Variants in KALRN observed in about 807,000 individuals in gnomAD.
KALRN encodes kalirin.
Under a neutral mutation model 353.7 loss-of-function variants are expected in KALRN, and 70 were observed. The observed-to-expected ratio is 0.20, with a 90% confidence interval of 0.16 to 0.24. The LOEUF (loss-of-function observed/expected upper bound fraction) is 0.24. Ranked by LOEUF, KALRN falls within the 10% of genes least tolerant of loss-of-function variation. The pLI is 1.00. For missense variants in KALRN, 2,791 were observed against 3,756.7 expected, an observed-to-expected ratio of 0.74 and a Z score of 6.72; for synonymous variants, 1,391 against 1,434.8, an observed-to-expected ratio of 0.97 and a Z score of 0.69.
At chr3:124,140,265 C>T (rs1457086495) in intron 1 of KALRN, among the ~76,000 whole-genome samples, 7 of 152,188 alleles carry the variant, frequency 4.6e-5, no homozygotes, top group Non-Finnish European at 7.3e-5. Flanking sequence ...CTTGTACTTA[C>T]GGCTGGTAAC....
chr3:124,713,223 T>C, intron 58 of KALRN, 88 bp downstream of exon 58: 1 of 1,149,948 alleles, frequency 8.7e-7, no homozygotes. Flanking sequence ...AGTTACATTT[T>C]ATACAAGGTC....
intron 1 of KALRN, among the ~76,000 whole-genome samples, chr3:124,039,970 T>C (rs2149072531): frequency 6.6e-6 from 1 of 152,304 alleles, no homozygotes; most frequent in Middle Eastern, 3.4e-3. Context: ...TTGTTAATAT[T>C]TCTAATGCTA....
Position 124,304,127 on chromosome 3 carries a change from AACACACACACACACACACACAC to A in KALRN, c.1092+5227_1092+5248del, listed in dbSNP as rs3055892. On this transcript the variant is annotated intron_variant, in intron 6 of 59. Coordinates refer to ENST00000682506, the MANE Select transcript of KALRN (RefSeq NM_001388419.1). ...GTCAGAATTTCTAGATTTTGTTGTA[AACACACACACACACACACACAC>A]ACACACACACACTATTGTAATGTTT... Among the ~76,000 whole-genome samples, 625 of 147,502 alleles carry A rather than the reference AACACACACACACACACACACAC, an allele frequency of 4.2e-3. 1 individual carries two copies. The highest frequency in any genetic ancestry group is 6.9e-3 in the Non-Finnish European group (461 of 67,052).
At chr3:124,396,642 A>G (rs569722298) in intron 12 of KALRN, among the ~76,000 whole-genome samples, 1 of 152,354 alleles carries the variant, frequency 6.6e-6, no homozygotes, top group South Asian at 2.1e-4. Flanking sequence ...CTATTCAAAA[A>G]CTTTTCACAG....
chr3:124,315,299 A>G (rs2078699447), intron 6 of KALRN, among the ~76,000 whole-genome samples: 1 of 152,108 alleles, frequency 6.6e-6, no homozygotes, highest in South Asian at 2.1e-4. Flanking sequence ...TCCTATTCAA[A>G]CAGGAAGCAC....
rs908346236 is a variant in KALRN at position 124,726,281 on chromosome 3, T to A, written c.*6811T>A. On this transcript the variant is annotated 3_prime_UTR_variant, in exon 60 of 60. Coordinates refer to ENST00000682506, the MANE Select transcript of KALRN (RefSeq NM_001388419.1). The stretch of plus-strand genomic sequence containing the variant: ...TGGATGAAACTTCAAAATGTACATC[T>A]CACATGTTATGCATTCCTATAAATA... 5.8e-4 allele frequency: 89 copies of A among 152,208 alleles called. No homozygotes were observed. Among genetic ancestry groups the A allele is most frequent in the African/African-American group, 2.1e-3 (85 of 41,436 alleles). The allele number at this position is 152,208 out of a possible 1,614,324, so 9.4% of individuals were successfully genotyped here. A position where few individuals can be genotyped will look rare whatever the true frequency, so the allele number is the denominator to read the frequency against.
At chr3:124,468,160 C>G (rs4677928) in intron 25 of KALRN, among the ~76,000 whole-genome samples, 68,716 of 152,026 alleles carry the variant, frequency 0.45, 16,193 homozygotes, top group Middle Eastern at 0.61. Flanking sequence ...AAAGACTGTA[C>G]ATTATGCCCT....
chr3:124,709,858 T>C (rs2062809982), intron 57 of KALRN, among the ~76,000 whole-genome samples: 1 of 152,112 alleles, frequency 6.6e-6, no homozygotes, highest in Admixed American at 6.5e-5. Flanking sequence ...TGAAAATAGA[T>C]CATACTGCAG....
intron 33 of KALRN, among the ~76,000 whole-genome samples, chr3:124,501,771 C>T (rs1445635): frequency 0.26 from 38,899 of 152,088 alleles, 5,155 homozygotes; most frequent in South Asian, 0.38. Flanking sequence ...TTCCCACCCA[C>T]TTCGTTCATG....
At chr3:124,656,557 G>A (rs1578711856) in intron 39 of KALRN, among the ~76,000 whole-genome samples, 1 of 152,322 alleles carries the variant, frequency 6.6e-6, no homozygotes, top group East Asian at 1.9e-4. Context: ...CTTGCAGTGA[G>A]CTGAGATCGC....
At chr3:124,471,021 C>G (rs989922864) in intron 25 of KALRN, among the ~76,000 whole-genome samples, 1 of 152,060 alleles carries the variant, frequency 6.6e-6, no homozygotes, top group Non-Finnish European at 1.5e-5. Context: ...AGAAAGTAAC[C>G]TGCTGCAGAT....
chr3:124,212,953 A>G (rs1288796165), intron 1 of KALRN, among the ~76,000 whole-genome samples: 1 of 151,834 alleles, frequency 6.6e-6, no homozygotes, highest in Non-Finnish European at 1.5e-5. Context: ...TCAAATAGGG[A>G]GCAGTAATTT....
intron 1 of KALRN, among the ~76,000 whole-genome samples, chr3:124,142,141 A>C (rs1215227227): frequency 1.3e-5 from 2 of 152,244 alleles, no homozygotes; most frequent in East Asian, 1.9e-4. Flanking sequence ...CTCTGCTCTT[A>C]CTGAGATCCT....
At chr3:124,250,901 C>T (rs1276798910) in intron 3 of KALRN, among the ~76,000 whole-genome samples, 2 of 152,156 alleles carry the variant, frequency 1.3e-5, no homozygotes, top group Non-Finnish European at 2.9e-5. Context: ...CAGGAAGCTG[C>T]TGTCCTGAAA....
chr3:124,621,289 G>A (rs1253148820), intron 34 of KALRN, among the ~76,000 whole-genome samples: 1 of 152,098 alleles, frequency 6.6e-6, no homozygotes, highest in Non-Finnish European at 1.5e-5. Flanking sequence ...AATTTAATGG[G>A]AAAAAATAGA....
At chr3:124,612,571 A>G (rs2078120930) in intron 34 of KALRN, among the ~76,000 whole-genome samples, 1 of 152,198 alleles carries the variant, frequency 6.6e-6, no homozygotes, top group African/African-American at 2.4e-5. Flanking sequence ...TCCTCACCTC[A>G]GGTGATCTGC....
chr3:124,550,104 A>T (rs572185081), intron 33 of KALRN, among the ~76,000 whole-genome samples: 2 of 152,304 alleles, frequency 1.3e-5, no homozygotes, highest in South Asian at 4.1e-4. Flanking sequence ...GGTGATGAAC[A>T]CCTGGATGAG....
chr3:124,324,054 A>G (rs748447067), intron 6 of KALRN, among the ~76,000 whole-genome samples: 3 of 152,228 alleles, frequency 2.0e-5, no homozygotes, highest in Non-Finnish European at 4.4e-5. Flanking sequence ...GTGCATCAGT[A>G]ACCCAGATTC....
intron 1 of KALRN, among the ~76,000 whole-genome samples, chr3:124,197,864 A>C (rs957794158): frequency 6.6e-6 from 1 of 152,126 alleles, no homozygotes; most frequent in Middle Eastern, 3.2e-3. Flanking sequence ...TGCCCCCTGC[A>C]TGTTCTTTTC....
Sources: allele counts gnomAD v4.1 joint callset (sites outside exome capture counted in the v4.1 genomes callset), GRCh38; gene constraint gnomAD v4.1.1; transcripts MANE v1.5; gene names NCBI Gene and HGNC (gene_info 2026-07-23, HGNC 2026-07-21).